The following MEGF9 variants were observed in gnomAD, a reference collection of about 807,000 sequenced individuals.
MEGF9 encodes multiple epidermal growth factor-like domains protein 9.
A neutral mutation model predicts 46.8 loss-of-function variants in MEGF9; 6 were observed. The observed-to-expected ratio is 0.13, with a 90% CI of 0.07 to 0.25. MEGF9 has a LOEUF of 0.25. Among genes scored for constraint, MEGF9 ranks in the 10% least tolerant of loss-of-function variants. The pLI is 1.00. For missense variants in MEGF9, 683 were observed against 792.4 expected, an observed-to-expected ratio of 0.86 and a Z score of 1.66; for synonymous variants, 302 against 330.7, an observed-to-expected ratio of 0.91 and a Z score of 0.94.
rs1405897428 is a variant in MEGF9, at chr9:120,626,846, G to T, written c.804-4091C>A. Among the ~76,000 whole-genome samples the T allele has an allele frequency of 3.9e-5, 6 of 152,202 alleles. No individual in the cohort carries two copies. In the East Asian group the frequency reaches 1.2e-3, roughly 29 times the overall value. ...GAAGACAATTATACCAACCTTTGTA[G>T]TATATTAAAAATTGCATACACAATG... On this transcript the variant is annotated intron_variant, in intron 2 of 5. Coordinates refer to ENST00000373930, the MANE Select transcript of MEGF9 (RefSeq NM_001080497.3).
At chr9:120,669,468 G>T (rs1203790962) in intron 1 of MEGF9, among the ~76,000 whole-genome samples, 1 of 151,682 alleles carries the variant, frequency 6.6e-6, no homozygotes, top group South Asian at 2.1e-4. Flanking sequence ...ATACCTAAAG[G>T]TTAAAAGTAA....
At chr9:120,680,163 TC>T (rs1321500042) in intron 1 of MEGF9, among the ~76,000 whole-genome samples, 1 of 152,246 alleles carries the variant, frequency 6.6e-6, no homozygotes, top group African/African-American at 2.4e-5. Context: ...CCAGGATTGG[TC>T]CCTGGTGCCT....
intron 4 of MEGF9, among the ~76,000 whole-genome samples, chr9:120,608,302 G>A (rs938935803): frequency 1.3e-5 from 2 of 152,106 alleles, no homozygotes; most frequent in African/African-American, 4.8e-5. Context: ...CCAGCTTATT[G>A]TAGGAATGAT....
chr9:120,661,505 A>G (rs1023081674), intron 1 of MEGF9, among the ~76,000 whole-genome samples: 2 of 152,254 alleles, frequency 1.3e-5, no homozygotes, highest in Admixed American at 6.5e-5. Context: ...TGACAGAGTG[A>G]GACCTGTCTC....
rs1171135182 is a variant in MEGF9, at chr9:120,626,615, G to A, written c.804-3860C>T. Among the ~76,000 whole-genome samples, 3 of 152,278 alleles carry A rather than the reference G, an allele frequency of 2.0e-5. No homozygotes were observed. In the East Asian group the frequency reaches 5.8e-4, roughly 29 times the overall value. On this transcript the variant is annotated intron_variant, in intron 2 of 5. Transcript: ENST00000373930. ...CCTTTTTAAAGACTCTGTTTAAGAT[G>A]AGTGGGTGGAGAAGCTTCAGAATTT... is the stretch of plus-strand genomic sequence containing the variant.
chr9:120,639,508 TAAAAAAAAAAAAA>T (rs61638928), intron 2 of MEGF9, among the ~76,000 whole-genome samples: 3 of 105,182 alleles, frequency 2.9e-5, no homozygotes, highest in Admixed American at 1.0e-4. Context: ...ACTCCGTCTT[TAAAAAAAAAAAAA>T]AAAAAAAAAA....
chr9:120,612,403 G>A lies in MEGF9; in HGVS notation c.1080C>T (p.Cys360=), dbSNP rs1006218958. 6.2e-7 allele frequency: 1 copy of A among 1,610,596 alleles called. No homozygotes were observed. The highest frequency in any genetic ancestry group is 1.1e-5 in the South Asian group (1 of 90,640). Residue 360 remains cysteine (C), a synonymous_variant, in exon 4 of 6, where the codon TGC becomes TGT. Coordinates refer to ENST00000373930, the MANE Select transcript of MEGF9 (RefSeq NM_001080497.3). ...GTTAGAGAAAGGCCTTACTTATAGA[G>A]CAGCTGCCTGTAGATGTCACTGCTG... ...PCSAVTSTGS[C]SIKSSELEPE...
chr9:120,660,171 T>G (rs1027037345), intron 1 of MEGF9, among the ~76,000 whole-genome samples: 38 of 152,198 alleles, frequency 2.5e-4, no homozygotes, highest in African/African-American at 8.9e-4. Context: ...AATAAACATT[T>G]CTTTTAAGTA....
Position 120,659,502 on chromosome 9 carries a change from C to T in MEGF9, c.675G>A (p.Glu225=), listed in dbSNP as rs778343884. ...NRCNQTTGQC[E]CRPGYQGLHC... ...GAAGCCCCTGATAACCTGGCCGACA[C>T]TCACACTGCCCTGTGGTCTGGTTGC... is the stretch of plus-strand genomic sequence containing the variant. Residue 225 remains glutamate (E), a synonymous_variant, in exon 2 of 6, where the codon GAG becomes GAA. Transcript: ENST00000373930. 6.2e-7 allele frequency: 1 copy of T among 1,613,838 alleles called. No individual in the cohort carries two copies. Among genetic ancestry groups the T allele is most frequent in the East Asian group, 2.2e-5 (1 of 44,876 alleles).
Position 120,709,675 on chromosome 9 carries a change from T to C in MEGF9, c.601+4083A>G, listed in dbSNP as rs377479912. Reference sequence around the variant, plus strand: ...AATTTCAGCTAAGCCTATGGAAATATTTCTTCAAATGTAGAGCCACATTAG... The same window carrying C: ...AATTTCAGCTAAGCCTATGGAAATACTTCTTCAAATGTAGAGCCACATTAG... On this transcript the variant is annotated intron_variant, in intron 1 of 5. Transcript: ENST00000373930. 2.7e-4 allele frequency among the ~76,000 whole-genome samples: 41 copies of C among 152,300 alleles called. No homozygotes were observed. The East Asian group carries it at 6.4e-3, about 24-fold the overall frequency.
chr9:120,601,673 C>T lies in MEGF9; in HGVS notation c.*3517G>A, dbSNP rs2043396735. The T allele has an allele frequency of 6.6e-6, 1 of 152,082 alleles. No individual in the cohort carries two copies. The highest frequency in any genetic ancestry group is 2.4e-5 in the African/African-American group (1 of 41,410). The allele number at this position is 152,082 out of a possible 1,614,324, so 9.4% of individuals were successfully genotyped here. On this transcript the variant is annotated 3_prime_UTR_variant, in exon 6 of 6. Transcript: ENST00000373930. ...CACTGGGAAGAGTAACGCACTAGGC[C>T]CACAGGACCTTAGTATTAATATAAA...
In MEGF9 at chr9:120,695,021, G is replaced by C. The variant is rs535621170; in HGVS notation, c.601+18737C>G. Among the ~76,000 whole-genome samples the C allele has an allele frequency of 3.3e-5, 5 of 150,552 alleles. No homozygotes were observed. The South Asian group carries it at 1.0e-3, about 32-fold the overall frequency. ...CATGCTAGGAATTAATCTAGGTGCT[G>C]GCCATATAGTGGTTTAAAAAAAAAA... is the stretch of plus-strand genomic sequence containing the variant. On this transcript the variant is annotated intron_variant, in intron 1 of 5. Coordinates refer to ENST00000373930, the MANE Select transcript of MEGF9 (RefSeq NM_001080497.3).
chr9:120,636,729 C>T (rs1320377845), intron 2 of MEGF9, among the ~76,000 whole-genome samples: 1 of 152,164 alleles, frequency 6.6e-6, no homozygotes, highest in African/African-American at 2.4e-5. Flanking sequence ...GCGACCCCGT[C>T]TGGGAACTGA....
At chr9:120,706,318 T>C (rs966113717) in intron 1 of MEGF9, among the ~76,000 whole-genome samples, 4 of 152,146 alleles carry the variant, frequency 2.6e-5, no homozygotes, top group Non-Finnish European at 4.4e-5. Flanking sequence ...GATTTGAAAC[T>C]AATGTTCTGG....
In MEGF9 at chr9:120,665,211, C is replaced by CT. The variant is rs34560301; in HGVS notation, c.602-5637dup. On this transcript the variant is annotated intron_variant, in intron 1 of 5. Transcript: ENST00000373930. ...GGCTTCTAATACCTCCAATTCTACTCTTTTTTTTTTTTGAGATGGAGTCTC... is the reference window on the plus strand; with the variant it reads ...GGCTTCTAATACCTCCAATTCTACTCTTTTTTTTTTTTTGAGATGGAGTCTC... Among the ~76,000 whole-genome samples the CT allele has an allele frequency of 1.7e-3, 250 of 146,630 alleles. 1 individual carries two copies. Among genetic ancestry groups the CT allele is most frequent in the African/African-American group, 4.0e-3 (159 of 40,136 alleles).
intron 3 of MEGF9, among the ~76,000 whole-genome samples, chr9:120,619,405 A>G (rs2043488662): frequency 6.6e-6 from 1 of 152,208 alleles, no homozygotes; most frequent in African/African-American, 2.4e-5. Context: ...GTTACCATTT[A>G]CTGATTACTT....
intron 2 of MEGF9, among the ~76,000 whole-genome samples, chr9:120,640,756 T>G (rs1323870074): frequency 6.6e-6 from 1 of 152,162 alleles, no homozygotes; most frequent in African/African-American, 2.4e-5. Flanking sequence ...CATATGCAGG[T>G]TGGTTACATG....
chr9:120,615,314 T>C (rs1249665040), intron 3 of MEGF9, among the ~76,000 whole-genome samples: 2 of 146,430 alleles, frequency 1.4e-5, no homozygotes, highest in African/African-American at 2.6e-5. Flanking sequence ...CACACACACA[T>C]GCACACACAC....
intron 2 of MEGF9, among the ~76,000 whole-genome samples, chr9:120,636,385 T>C (rs1366608327): frequency 6.6e-6 from 1 of 152,206 alleles, no homozygotes; most frequent in East Asian, 1.9e-4. Context: ...TTCATCTTTA[T>C]TCAATGTCAG....
Sources: gnomAD v4.1 joint callset for allele counts (sites outside exome capture counted in the v4.1 genomes callset) on GRCh38, gnomAD v4.1.1 for gene constraint, MANE v1.5 for transcripts, NCBI Gene and HGNC (gene_info 2026-07-23, HGNC 2026-07-21) for gene names.